The following ACAN variants were observed in gnomAD, a reference collection of about 807,000 sequenced individuals.
ACAN encodes the protein aggrecan.
In ACAN, 47 loss-of-function variants were observed where a neutral mutation model predicts 169.1. The observed-to-expected ratio is 0.28, with a 90% confidence interval of 0.22 to 0.35. The LOEUF is 0.35. ACAN is among the 10% of genes least tolerant of loss of function. ACAN has a pLI of 1.00. For missense variants in ACAN, 2,716 were observed against 2,759.9 expected, an observed-to-expected ratio of 0.98 and a Z score of 0.36; for synonymous variants, 1,115 against 1,112.2, an observed-to-expected ratio of 1.00 and a Z score of -0.05.
At chr15:88,815,169 C>T (rs1192578851) in intron 1 of ACAN, among the ~76,000 whole-genome samples, 1 of 152,096 alleles carries the variant, frequency 6.6e-6, no homozygotes, top group East Asian at 1.9e-4. Flanking sequence ...AAATAGAGAG[C>T]CCACGTTGTG....
At chr15:88,815,656 TAAA>T (rs58267198) in intron 1 of ACAN, among the ~76,000 whole-genome samples, 6 of 54,208 alleles carry the variant, frequency 1.1e-4, no homozygotes, top group Non-Finnish European at 1.6e-4. Flanking sequence ...CTGCACTGAT[TAAA>T]AAAAAAAAAA....
chr15:88,852,048 G>A lies in ACAN; in HGVS notation c.2266+15G>A, dbSNP rs1422601041. On this transcript the variant is annotated intron_variant, in intron 11 of 18. Coordinates refer to ENST00000560601, the MANE Select transcript of ACAN (RefSeq NM_001369268.1). ...CCCGCTGCCAGGTTGGTATGGCTTG[G>A]GTTCTGGGGCACACCCTGAAGCTGC... The A allele has an allele frequency of 1.3e-6, 2 of 1,580,772 alleles. No individual in the cohort carries two copies. Among genetic ancestry groups the A allele is most frequent in the Admixed American group, 3.7e-5 (2 of 54,770 alleles).
chr15:88,873,618 C>G lies in ACAN; in HGVS notation c.7448-224C>G. ...CCTCCCTTTCATCTTCTCTTCATCC[C>G]TTTAAAGACCACCCCGTTTGTATTC... On this transcript the variant is annotated intron_variant, in intron 17 of 18. Coordinates refer to ENST00000560601, the MANE Select transcript of ACAN (RefSeq NM_001369268.1). This position sits in a 1 kb window ranked among gnomAD's most constrained non-coding sequence, Gnocchi z 7.5. The G allele has an allele frequency of 1.7e-6, 1 of 577,366 alleles. No individual in the cohort carries two copies. Among genetic ancestry groups the G allele is most frequent in the African/African-American group, 1.9e-5 (1 of 53,668 alleles). The allele number at this position is 577,366 out of a possible 1,614,324, so 35.8% of individuals were successfully genotyped here. A position where few individuals can be genotyped will look rare whatever the true frequency, so the allele number is the denominator to read the frequency against.
chr15:88,843,303 AGCAGGGGGAGGGGGG>A lies in ACAN; in HGVS notation c.758-51_758-37del. The A allele has an allele frequency of 7.4e-7, 1 of 1,348,306 alleles. No individual in the cohort carries two copies. Among genetic ancestry groups the A allele is most frequent in the East Asian group, 2.6e-5 (1 of 38,062 alleles). 83.5% of individuals were successfully genotyped at this position (1,348,306 alleles called of 1,614,324 possible). Reference sequence around the variant, plus strand: ...AGTGTGGATCTCTCTGGGGATGCAGAGCAGGGGGAGGGGGGAGAAGACCCTTACCCAGCTGGCTGT... The same window carrying A: ...AGTGTGGATCTCTCTGGGGATGCAGAAGAAGACCCTTACCCAGCTGGCTGT... On this transcript the variant is annotated intron_variant, in intron 5 of 18. Coordinates refer to ENST00000560601, the MANE Select transcript of ACAN (RefSeq NM_001369268.1). This position sits in a 1 kb window ranked among gnomAD's most constrained non-coding sequence, Gnocchi z 4.0.
At position 88,840,074 on chromosome 15, in the gene ACAN, C is replaced by T. The variant is rs374211268; in HGVS notation, c.517C>T (p.Arg173Trp). 12 of 1,602,572 alleles carry T rather than the reference C, an allele frequency of 7.5e-6. No homozygotes were observed. Among genetic ancestry groups the T allele is most frequent in the South Asian group, 5.6e-5 (5 of 88,874 alleles). ...RYTLDFDRAQRACLQNSAIIA... is the reference protein window; with the variant it reads ...RYTLDFDRAQWACLQNSAIIA... The stretch of plus-strand genomic sequence containing the variant: ...CACCCTCGACTTTGACAGGGCGCAG[C>T]GGGCCTGCCTGCAGAACAGTGCCAT... The change falls in exon 4 of 19, where the codon CGG (arginine) becomes TGG (tryptophan). Residue 173 changes from arginine (R) to tryptophan (W), a missense_variant. Transcript: ENST00000560601.
intron 1 of ACAN, among the ~76,000 whole-genome samples, chr15:88,816,139 A>G (rs938195477): frequency 5.3e-5 from 8 of 152,180 alleles, no homozygotes; most frequent in South Asian, 4.1e-4. Context: ...CACCAGCTAT[A>G]TTGGACTAAG....
intron 1 of ACAN, among the ~76,000 whole-genome samples, chr15:88,815,734 G>T (rs975396820): frequency 1.4e-5 from 2 of 148,048 alleles, no homozygotes; most frequent in Non-Finnish European, 3.0e-5. Flanking sequence ...AAATCTAAGC[G>T]ACCCTGAGGT....
At position 88,839,858 on chromosome 15, in the gene ACAN, C is replaced by A. The variant is rs1183293286; in HGVS notation, c.455-154C>A. On this transcript the variant is annotated intron_variant, in intron 3 of 18. Coordinates refer to ENST00000560601, the MANE Select transcript of ACAN (RefSeq NM_001369268.1). The surrounding 1 kb of genome is among the most constrained non-coding windows in gnomAD (Gnocchi z 4.5). ...GGTGTTCCAGCAAATTCAGAAGGAT[C>A]ACGTGCAAAGGTGTACAGGGAGTCA... is the stretch of plus-strand genomic sequence containing the variant. 6.6e-6 allele frequency among the ~76,000 whole-genome samples: 1 copy of A among 152,180 alleles called. No homozygotes were observed. The highest frequency in any genetic ancestry group is 2.4e-5 in the African/African-American group (1 of 41,440).
chr15:88,848,923 C>G (rs904238289), intron 9 of ACAN, among the ~76,000 whole-genome samples: 2 of 152,200 alleles, frequency 1.3e-5, no homozygotes, highest in Admixed American at 1.3e-4. Context: ...CCCTCCTCCC[C>G]CTAAACCGGA....
intron 1 of ACAN, among the ~76,000 whole-genome samples, chr15:88,832,006 G>A (rs927608142): frequency 1.3e-5 from 2 of 152,136 alleles, no homozygotes; most frequent in African/African-American, 4.8e-5. Context: ...AAATTATAAT[G>A]TGGCTGAGCC....
intron 9 of ACAN, among the ~76,000 whole-genome samples, chr15:88,848,454 C>G (rs1896849698): frequency 6.9e-6 from 1 of 144,342 alleles, no homozygotes; most frequent in Admixed American, 6.7e-5. Context: ...CAGTGGCTCA[C>G]ACCTGTAATC....
At position 88,855,444 on chromosome 15, in the gene ACAN, T is replaced by A. The variant is rs371044633; in HGVS notation, c.2859T>A (p.Asp953Glu). The A allele has an allele frequency of 2.5e-6, 4 of 1,613,694 alleles. No individual in the cohort carries two copies. Among genetic ancestry groups the A allele is most frequent in the Non-Finnish European group, 3.4e-6 (4 of 1,179,854 alleles). The change falls in exon 12 of 19, where the codon GAT (aspartate) becomes GAA (glutamate). Residue 953 changes from aspartate to glutamate, a missense_variant. Around this residue, in one of 3 missense-constraint regions of ACAN, gnomAD observed 1,283 missense variants for 1,281.5 expected, o/e 1.00. Transcript: ENST00000560601. ...ILEGSASGVG[D>E]LSGLPSGEVL... ...AGGGCTCTGCCTCTGGAGTTGGGGA[T>A]CTCAGTGGACTTCCTTCTGGAGAAG... is the stretch of plus-strand genomic sequence containing the variant.
intron 1 of ACAN, among the ~76,000 whole-genome samples, chr15:88,825,420 A>C (rs897672673): frequency 6.6e-6 from 1 of 152,216 alleles, no homozygotes; most frequent in African/African-American, 2.4e-5. Context: ...CTCACCTATG[A>C]AAATTCTGGC....
chr15:88,845,309 C>G (rs1233486289), intron 6 of ACAN, among the ~76,000 whole-genome samples, 196 bp from the exon 7 acceptor site: 1 of 152,190 alleles, frequency 6.6e-6, no homozygotes, highest in African/African-American at 2.4e-5. Flanking sequence ...AATCTTGAAA[C>G]TGTGGGGACT....
In ACAN at chr15:88,849,989, G is replaced by A; in HGVS notation, c.2026+258G>A. On this transcript the variant is annotated intron_variant, in intron 10 of 18. Transcript: ENST00000560601. This position sits in a 1 kb window ranked among gnomAD's most constrained non-coding sequence, Gnocchi z 5.1. ...ATTTATGTCTACTAGAAATGAAGCA[G>A]ACCTGAATTTGAGTTATGGCTCTGC... is the stretch of plus-strand genomic sequence containing the variant. 1 of 617,462 alleles carries A rather than the reference G, an allele frequency of 1.6e-6. No individual in the cohort carries two copies. The highest frequency in any genetic ancestry group is 2.9e-6 in the Non-Finnish European group (1 of 345,644). The allele number at this position is 617,462 out of a possible 1,614,324, so 38.2% of individuals were successfully genotyped here. A position where few individuals can be genotyped will look rare whatever the true frequency, so the allele number is the denominator to read the frequency against.
At chr15:88,847,210 C>T (rs1273171575) in intron 7 of ACAN, 33 bp from the exon 8 acceptor site, 2 of 1,521,954 alleles carry the variant, frequency 1.3e-6, no homozygotes, top group South Asian at 1.2e-5. Flanking sequence ...ACCGTGGGTC[C>T]CTGAACCTGA....
chr15:88,847,240 C>T lies in ACAN; in HGVS notation c.1430-3C>T, dbSNP rs894526104. The T allele has an allele frequency of 3.0e-5, 46 of 1,544,070 alleles. No individual in the cohort carries two copies. Among genetic ancestry groups the T allele is most frequent in the African/African-American group, 5.5e-5 (4 of 73,076 alleles). ...ACCTGACCGCTCCCTCCTCCCCACC[C>T]AGGGGTCGTCTTCCACTACCGCCCG... is the stretch of plus-strand genomic sequence containing the variant. On this transcript the variant is annotated splice_polypyrimidine_tract_variant and splice_region_variant and intron_variant, in intron 7 of 18. Transcript: ENST00000560601.
chr15:88,872,071 G>A lies in ACAN; in HGVS notation c.7288G>A (p.Asp2430Asn), dbSNP rs1391260911. 6.2e-7 allele frequency: 1 copy of A among 1,613,754 alleles called. No individual in the cohort carries two copies. Among genetic ancestry groups the A allele is most frequent in the Non-Finnish European group, 8.5e-7 (1 of 1,179,862 alleles). ...RTIEGDFRWS[D>N]GHPMQFENWR... ...CATCGAAGGGGACTTCCGCTGGTCA[G>A]ATGGACACCCCATGGTGAGTTCTGC... Residue 2430 changes from aspartate (D) to asparagine (N), a missense_variant, in exon 16 of 19, where the codon GAT becomes AAT. Asp to Asn is a conservative substitution (Grantham distance 23). Coordinates refer to ENST00000560601, the MANE Select transcript of ACAN (RefSeq NM_001369268.1). This position sits in a 1 kb window ranked among gnomAD's most constrained non-coding sequence, Gnocchi z 5.4.
rs961426109 is a variant in ACAN, at chr15:88,839,018, C to A, written c.426C>A (p.Ser142Arg). The change falls in exon 3 of 19, where the codon AGC becomes AGA. Residue 142 changes from serine (S) to arginine (R), a missense_variant. By Grantham distance (110) the Ser-to-Arg change is moderately radical. Around this residue, in one of 3 missense-constraint regions of ACAN, gnomAD observed 1,283 missense variants for 1,281.5 expected, o/e 1.00. Transcript: ENST00000560601. This position sits in a 1 kb window ranked among gnomAD's most constrained non-coding sequence, Gnocchi z 4.5. The part of the protein sequence containing the change: ...RCEVMHGIED[S>R]EATLEVVVKG... ...AGGTGATGCATGGCATCGAGGACAG[C>A]GAGGCCACCCTGGAAGTCGTGGTGA... is the stretch of plus-strand genomic sequence containing the variant. 3 of 1,606,592 alleles carry A rather than the reference C, an allele frequency of 1.9e-6. No individual in the cohort carries two copies. The highest frequency in any genetic ancestry group is 2.5e-6 in the Non-Finnish European group (3 of 1,179,792).
Sources: gnomAD v4.1 joint callset for allele counts (sites outside exome capture counted in the v4.1 genomes callset) on GRCh38, gnomAD v4.1.1 for gene constraint, gnomAD v4.1.1 regional missense constraint, Gnocchi (gnomAD v3.1) non-coding constraint, MANE v1.5 for transcripts, NCBI Gene and HGNC (gene_info 2026-07-23, HGNC 2026-07-21) for gene names.